The following PRKCE variants were observed in gnomAD, a reference collection of about 807,000 sequenced individuals.
PRKCE encodes the protein protein kinase C epsilon.
Under a neutral mutation model 85.4 loss-of-function variants are expected in PRKCE, and 16 were observed. That is an observed-to-expected ratio of 0.19 (90% CI 0.13 to 0.28). The LOEUF is 0.28. Ranked by LOEUF, PRKCE falls within the 10% of genes least tolerant of loss-of-function variation. The pLI is 1.00. For missense variants in PRKCE, 573 were observed against 975.2 expected, an observed-to-expected ratio of 0.59 and a Z score of 5.49; for synonymous variants, 388 against 371.5, an observed-to-expected ratio of 1.04 and a Z score of -0.51.
intron 1 of PRKCE, among the ~76,000 whole-genome samples, chr2:45,749,899 A>C (rs1416612175): frequency 6.6e-6 from 1 of 152,208 alleles, no homozygotes; most frequent in African/African-American, 2.4e-5. Context: ...CACACATAAC[A>C]TTCTTCCAGA....
chr2:45,964,342 C>T (rs1701591853), intron 2 of PRKCE, among the ~76,000 whole-genome samples: 1 of 152,196 alleles, frequency 6.6e-6, no homozygotes, highest in South Asian at 2.1e-4. Flanking sequence ...CTCCATTGTG[C>T]TCAGGTGCCC....
At chr2:46,175,357 T>C (rs1679323671) in intron 14 of PRKCE, among the ~76,000 whole-genome samples, 1 of 152,206 alleles carries the variant, frequency 6.6e-6, no homozygotes, top group African/African-American at 2.4e-5. Flanking sequence ...GAAAGTTCTC[T>C]CCTGGATCAT....
intron 1 of PRKCE, among the ~76,000 whole-genome samples, chr2:45,809,867 T>G (rs1573444874): frequency 7.0e-6 from 1 of 143,106 alleles, no homozygotes. Flanking sequence ...GCAACAAGAG[T>G]GAGACTCCAT....
At chr2:46,010,798 A>G in intron 10 of PRKCE, 1 of 1,587,562 alleles carries the variant, frequency 6.3e-7, no homozygotes. Flanking sequence ...TGCTCATTGG[A>G]AAAACCAACA....
chr2:46,152,418 G>C (rs929881856), intron 13 of PRKCE, among the ~76,000 whole-genome samples: 1 of 151,892 alleles, frequency 6.6e-6, no homozygotes, highest in Non-Finnish European at 1.5e-5. Context: ...TTGACCTCAG[G>C]TGATCCGCCC....
chr2:45,681,950 C>T (rs72799074), intron 1 of PRKCE, among the ~76,000 whole-genome samples: 4,640 of 152,276 alleles, frequency 0.03, 106 homozygotes, highest in Non-Finnish European at 0.049. Context: ...CCAGCCACAC[C>T]GCCCCAGTGG....
intron 14 of PRKCE, among the ~76,000 whole-genome samples, chr2:46,171,172 C>T (rs756737839): frequency 5.3e-5 from 8 of 152,190 alleles, no homozygotes; most frequent in Admixed American, 2.6e-4. Context: ...CAGGGCCTGG[C>T]TCAGCAAGCT....
rs34549767 is a variant in PRKCE at position 46,149,306 on chromosome 2, C to CT, written c.1732-1726dup. On this transcript the variant is annotated intron_variant, in intron 12 of 14. Coordinates refer to ENST00000306156, the MANE Select transcript of PRKCE (RefSeq NM_005400.3). Reference sequence around the variant, plus strand: ...TGGAATGACTAGGCATGAACTTTGCCTTTTTTTTTCAGGGTCCTCAAAGTG... The same window carrying CT: ...TGGAATGACTAGGCATGAACTTTGCCTTTTTTTTTTCAGGGTCCTCAAAGTG... Among the ~76,000 whole-genome samples, 121 of 151,328 alleles carry CT rather than the reference C, an allele frequency of 8.0e-4. 1 individual carries two copies. Among genetic ancestry groups the CT allele is most frequent in the African/African-American group, 2.8e-3 (116 of 41,218 alleles).
intron 1 of PRKCE, among the ~76,000 whole-genome samples, chr2:45,783,166 A>T (rs954518070): frequency 1.3e-5 from 2 of 152,130 alleles, no homozygotes; most frequent in Non-Finnish European, 2.9e-5. Flanking sequence ...TTTATTTTCA[A>T]TTGAAGCTCT....
intron 1 of PRKCE, among the ~76,000 whole-genome samples, chr2:45,811,265 A>G (rs1035447468): frequency 6.6e-6 from 1 of 152,212 alleles, no homozygotes; most frequent in African/African-American, 2.4e-5. Flanking sequence ...TCCATCAGAT[A>G]ATCTGTGGTA....
intron 2 of PRKCE, among the ~76,000 whole-genome samples, chr2:45,900,107 C>T (rs778575013): frequency 1.3e-5 from 2 of 151,864 alleles, no homozygotes; most frequent in African/African-American, 2.4e-5. Context: ...TTGGAAAAAA[C>T]CCAGAAAATA....
chr2:45,981,003 G>T (rs1299066678), intron 5 of PRKCE, among the ~76,000 whole-genome samples: 1 of 152,216 alleles, frequency 6.6e-6, no homozygotes, highest in Non-Finnish European at 1.5e-5. Context: ...ACAGCTAAGA[G>T]CCACTTTCAA....
intron 1 of PRKCE, among the ~76,000 whole-genome samples, chr2:45,723,418 A>G (rs369623316): frequency 6.6e-6 from 1 of 152,254 alleles, no homozygotes. Flanking sequence ...TTCAACACAG[A>G]TGTGCTTCTA....
At chr2:45,904,570 A>G (rs560665193) in intron 2 of PRKCE, among the ~76,000 whole-genome samples, 7 of 152,228 alleles carry the variant, frequency 4.6e-5, no homozygotes, top group African/African-American at 1.7e-4. Flanking sequence ...GGCTCTGGGC[A>G]TTTCTTCCCC....
At chr2:45,680,253 C>G (rs536031464) in intron 1 of PRKCE, among the ~76,000 whole-genome samples, 1 of 152,306 alleles carries the variant, frequency 6.6e-6, no homozygotes, top group Admixed American at 6.5e-5. Context: ...CACCAGCAAT[C>G]TTAGGAGGTC....
At chr2:45,827,430 G>C (rs1043694865) in intron 1 of PRKCE, among the ~76,000 whole-genome samples, 1 of 152,208 alleles carries the variant, frequency 6.6e-6, no homozygotes, top group Non-Finnish European at 1.5e-5. Flanking sequence ...TTGTGGTTCA[G>C]ATCGTGGTGT....
At chr2:45,761,918 G>A (rs2104833422) in intron 1 of PRKCE, among the ~76,000 whole-genome samples, 1 of 152,198 alleles carries the variant, frequency 6.6e-6, no homozygotes, top group South Asian at 2.1e-4. Context: ...TGTTTTTAAA[G>A]CCTCCTTGCC....
intron 7 of PRKCE, among the ~76,000 whole-genome samples, chr2:46,002,564 C>A (rs1311285307): frequency 6.6e-6 from 1 of 152,228 alleles, no homozygotes; most frequent in Admixed American, 6.5e-5. Context: ...TCTTAAACTT[C>A]TCCTACCCTG....
Position 45,957,360 on chromosome 2 carries a change from T to C in PRKCE, c.413-19069T>C, listed in dbSNP as rs145194694. The stretch of plus-strand genomic sequence containing the variant: ...CATTCAATTGTCCAAGCACCACTTG[T>C]TGAAAGACTGCCATTTCTCCATTCA... On this transcript the variant is annotated intron_variant, in intron 2 of 14. Coordinates refer to ENST00000306156, the MANE Select transcript of PRKCE (RefSeq NM_005400.3). Among the ~76,000 whole-genome samples the C allele has an allele frequency of 5.2e-5, 8 of 152,400 alleles. No individual in the cohort carries two copies. The East Asian group carries it at 1.2e-3, about 22-fold the overall frequency.
Sources: gnomAD v4.1 joint callset for allele counts (sites outside exome capture counted in the v4.1 genomes callset) on GRCh38, gnomAD v4.1.1 for gene constraint, MANE v1.5 for transcripts, NCBI Gene and HGNC (gene_info 2026-07-23, HGNC 2026-07-21) for gene names.